ESR1: variants seen among roughly 807,000 people sequenced by gnomAD.
ESR1 encodes the protein estrogen receptor.
ESR1 carries 12 observed loss-of-function variants against 52.7 expected under a neutral mutation model. The observed-to-expected ratio is 0.23, with a 90% CI of 0.15 to 0.37. The LOEUF (loss-of-function observed/expected upper bound fraction) is 0.37, where lower values mean the gene tolerates loss of function less well. ESR1 is among the 10% of genes least tolerant of loss of function. ESR1 has a pLI of 1.00. For synonymous variants in ESR1, 305 were observed against 316.8 expected, an observed-to-expected ratio of 0.96 and a Z score of 0.39; for missense variants, 584 against 779.7, an observed-to-expected ratio of 0.75 and a Z score of 2.99.
intron 1 of ESR1, among the ~76,000 whole-genome samples, chr6:151,668,579 G>A (rs181829699): frequency 1.7e-3 from 263 of 152,200 alleles, no homozygotes; most frequent in Non-Finnish European, 3.1e-3. Flanking sequence ...CACTGCACCC[G>A]GCCAGAAAAA....
intron 3 of ESR1, among the ~76,000 whole-genome samples, chr6:151,890,065 C>T (rs1035106421): frequency 6.6e-6 from 1 of 151,120 alleles, no homozygotes; most frequent in Non-Finnish European, 1.5e-5. Context: ...TGTGTCCTAA[C>T]ATATGAACTA....
At chr6:151,859,451 A>G (rs1788481133) in intron 2 of ESR1, among the ~76,000 whole-genome samples, 1 of 151,472 alleles carries the variant, frequency 6.6e-6, no homozygotes, top group Admixed American at 6.6e-5. Flanking sequence ...AAAAGAGAGG[A>G]ATGGATTTCA....
Position 152,102,831 on chromosome 6 carries a change from C to T in ESR1, c.*3865C>T, listed in dbSNP as rs1562792130. On this transcript the variant is annotated 3_prime_UTR_variant, in exon 8 of 8. Coordinates refer to ENST00000206249, the MANE Select transcript of ESR1 (RefSeq NM_000125.4). ...TATGTAAATGCTGCCATGTTCCAAA[C>T]CCATCGTCAGTGTGTGTGTTTAGAG... is the stretch of plus-strand genomic sequence containing the variant. The T allele has an allele frequency of 4.4e-6, 1 of 226,066 alleles. No individual in the cohort carries two copies. The highest frequency in any genetic ancestry group is 2.2e-5 in the African/African-American group (1 of 44,916). The allele number at this position is 226,066 out of a possible 1,614,324, so 14.0% of individuals were successfully genotyped here.
At chr6:152,103,980 C>CTTTTTTTT (rs369261779), downstream of ESR1, among the ~76,000 whole-genome samples, 6 of 93,882 alleles carry the variant, frequency 6.4e-5, no homozygotes, top group Non-Finnish European at 7.8e-5. Flanking sequence ...TTCATTCTAC[C>CTTTTTTTT]TTTTTTTTTT....
chr6:152,122,627 G>T, intron 6 of ESR1: 1 of 1,614,116 alleles, frequency 6.2e-7, no homozygotes, highest in Non-Finnish European at 8.5e-7. Context: ...CGGCCGGACC[G>T]ACCTGGCCCT....
At chr6:151,914,330 T>G (rs1002849144) in intron 3 of ESR1, among the ~76,000 whole-genome samples, 1 of 152,204 alleles carries the variant, frequency 6.6e-6, no homozygotes, top group Non-Finnish European at 1.5e-5. Flanking sequence ...CATCTGCTTA[T>G]TGATTGAACC....
intron 2 of ESR1, among the ~76,000 whole-genome samples, chr6:151,851,351 A>G (rs1786664589): frequency 6.6e-6 from 1 of 152,128 alleles, no homozygotes; most frequent in African/African-American, 2.4e-5. Flanking sequence ...TATTGCATAT[A>G]TTTGATTGCC....
chr6:151,979,838 T>G (rs2039822657), intron 4 of ESR1, among the ~76,000 whole-genome samples: 1 of 152,138 alleles, frequency 6.6e-6, no homozygotes, highest in Admixed American at 6.5e-5. Flanking sequence ...TGCACACAGA[T>G]TAAAATTTAA....
At chr6:151,943,705 A>G (rs1276157002) in intron 3 of ESR1, among the ~76,000 whole-genome samples, 1 of 152,216 alleles carries the variant, frequency 6.6e-6, no homozygotes, top group Admixed American at 6.5e-5. Flanking sequence ...CTTTTAATTT[A>G]CTATTAAAAG....
chr6:152,019,930 G>A (rs1168232599), intron 5 of ESR1, among the ~76,000 whole-genome samples: 1 of 152,160 alleles, frequency 6.6e-6, no homozygotes, highest in Non-Finnish European at 1.5e-5. Flanking sequence ...ATAGGGCGCT[G>A]TATGATACTG....
chr6:151,742,364 A>G (rs1419176100), intron 2 of ESR1, among the ~76,000 whole-genome samples: 1 of 152,216 alleles, frequency 6.6e-6, no homozygotes, highest in African/African-American at 2.4e-5. Context: ...AGCAATCTAC[A>G]CTGCCACCAA....
chr6:152,086,836 T>A (rs953968387), intron 6 of ESR1, among the ~76,000 whole-genome samples: 2 of 152,122 alleles, frequency 1.3e-5, no homozygotes, highest in African/African-American at 4.8e-5. Context: ...TATGGTCTTA[T>A]ACACACTAGT....
At chr6:151,869,253 A>T (rs1277531515) in intron 2 of ESR1, among the ~76,000 whole-genome samples, 1 of 152,186 alleles carries the variant, frequency 6.6e-6, no homozygotes, top group East Asian at 1.9e-4. Context: ...AAGCTTGGAT[A>T]ATTCTCTGGA....
At chr6:151,789,991 C>T (rs183015855) in intron 2 of ESR1, among the ~76,000 whole-genome samples, 38 of 152,060 alleles carry the variant, frequency 2.5e-4, no homozygotes, top group African/African-American at 9.2e-4. Context: ...TGGGAGCTGC[C>T]CCCCCTCACT....
chr6:152,111,292 G>T (rs1049280462), intron 6 of ESR1, among the ~76,000 whole-genome samples: 1 of 152,244 alleles, frequency 6.6e-6, no homozygotes, highest in Admixed American at 6.5e-5. Flanking sequence ...ATTTAAAAAA[G>T]TGATTTCGAA....
intron 2 of ESR1, among the ~76,000 whole-genome samples, chr6:151,779,899 CAAAAAA>C (rs1192077755): frequency 8.9e-5 from 4 of 44,752 alleles, no homozygotes; most frequent in Admixed American, 2.1e-4. Context: ...GACTCCGTCT[CAAAAAA>C]AAAAAAAAAA....
At chr6:152,115,454 A>G (rs1353313475) in intron 6 of ESR1, among the ~76,000 whole-genome samples, 1 of 152,206 alleles carries the variant, frequency 6.6e-6, no homozygotes, top group Non-Finnish European at 1.5e-5. Context: ...CATACTAATG[A>G]CAAAAATAAT....
intron 4 of ESR1, among the ~76,000 whole-genome samples, chr6:151,971,618 C>A (rs535209213): frequency 6.6e-6 from 1 of 152,006 alleles, no homozygotes; most frequent in African/African-American, 2.4e-5. Flanking sequence ...ATGATAATAG[C>A]GATACAACTT....
intron 6 of ESR1, among the ~76,000 whole-genome samples, chr6:152,091,595 C>T (rs1166077226): frequency 1.3e-5 from 2 of 152,144 alleles, no homozygotes; most frequent in Admixed American, 1.3e-4. Flanking sequence ...AACCCACACG[C>T]ACCTTAAGGA....
Sources: gnomAD v4.1 joint callset for allele counts (sites outside exome capture counted in the v4.1 genomes callset) on GRCh38, gnomAD v4.1.1 for gene constraint, MANE v1.5 for transcripts, NCBI Gene and HGNC (gene_info 2026-07-23, HGNC 2026-07-21) for gene names.